Variants in NUMB observed in about 807,000 individuals in gnomAD.
NUMB encodes the protein protein numb homolog.
Under a neutral mutation model 59.7 loss-of-function variants are expected in NUMB, and 29 were observed. The ratio of observed to expected loss-of-function variants is 0.49; its 90% CI spans 0.36 to 0.66. The LOEUF is 0.66. NUMB is among the 30% of genes least tolerant of loss of function. The pLI, the probability that NUMB is intolerant of heterozygous loss-of-function variation, is 0.00. For synonymous variants in NUMB, 288 were observed against 288.2 expected (o/e 1.00, Z 0.01); for missense variants, 723 against 822.0 (o/e 0.88, Z 1.47).
intron 12 of NUMB, among the ~76,000 whole-genome samples, chr14:73,277,894 C>A (rs959986654): frequency 7.2e-5 from 11 of 151,982 alleles, no homozygotes; most frequent in Non-Finnish European, 1.5e-4. Flanking sequence ...CCCGTCTCTA[C>A]TAAAAATACA....
chr14:73,391,361 T>G (rs1776877250), intron 2 of NUMB, among the ~76,000 whole-genome samples: 1 of 151,600 alleles, frequency 6.6e-6, no homozygotes, highest in Non-Finnish European at 1.5e-5. Flanking sequence ...TTGCAAAAAT[T>G]TAAATTTTAA....
chr14:73,407,185 C>T (rs2140127970), intron 2 of NUMB, among the ~76,000 whole-genome samples: 1 of 151,438 alleles, frequency 6.6e-6, no homozygotes, highest in African/African-American at 2.4e-5. Flanking sequence ...AAAAAACAAA[C>T]TCACTCCTGT....
chr14:73,395,899 TG>T (rs1566778367), intron 2 of NUMB, among the ~76,000 whole-genome samples: 1 of 152,234 alleles, frequency 6.6e-6, no homozygotes, highest in East Asian at 1.9e-4. Context: ...AATGGCTAGA[TG>T]GATACAGACA....
At chr14:73,394,601 T>C (rs896119205) in intron 2 of NUMB, among the ~76,000 whole-genome samples, 1 of 152,078 alleles carries the variant, frequency 6.6e-6, no homozygotes, top group Non-Finnish European at 1.5e-5. Flanking sequence ...AATACATTAT[T>C]ATTAACTACA....
At chr14:73,406,768 T>G (rs936053263) in intron 2 of NUMB, among the ~76,000 whole-genome samples, 1 of 152,208 alleles carries the variant, frequency 6.6e-6, no homozygotes, top group Non-Finnish European at 1.5e-5. Context: ...GTTTCCTGAC[T>G]TTTTAATGAT....
intron 2 of NUMB, among the ~76,000 whole-genome samples, chr14:73,378,024 C>CAT (rs1566769247): frequency 1.4e-5 from 2 of 142,128 alleles, no homozygotes; most frequent in African/African-American, 5.4e-5. Context: ...CACACATACA[C>CAT]ACACACACAC....
intron 2 of NUMB, among the ~76,000 whole-genome samples, chr14:73,389,724 C>G (rs1348291654): frequency 1.3e-5 from 2 of 152,134 alleles, no homozygotes; most frequent in African/African-American, 4.8e-5. Flanking sequence ...TAAGGAAGTT[C>G]ACACATGAAG....
At chr14:73,386,273 C>T (rs757919128) in intron 2 of NUMB, among the ~76,000 whole-genome samples, 2 of 152,130 alleles carry the variant, frequency 1.3e-5, no homozygotes, top group African/African-American at 2.4e-5. Flanking sequence ...TTCTGTATTT[C>T]AAAAACCTTC....
At chr14:73,402,163 G>A (rs1301220549) in intron 2 of NUMB, among the ~76,000 whole-genome samples, 5 of 152,078 alleles carry the variant, frequency 3.3e-5, no homozygotes, top group African/African-American at 4.8e-5. Flanking sequence ...ACTGCACCTG[G>A]CTAAAAACTT....
chr14:73,422,555 T>C (rs1897394800), intron 1 of NUMB, among the ~76,000 whole-genome samples: 2 of 152,116 alleles, frequency 1.3e-5, no homozygotes, highest in African/African-American at 2.4e-5. Flanking sequence ...AACTGGCTCA[T>C]GGTTCTGCAG....
At chr14:73,306,251 A>G (rs907735813) in intron 6 of NUMB, among the ~76,000 whole-genome samples, 7 of 152,254 alleles carry the variant, frequency 4.6e-5, no homozygotes, top group African/African-American at 1.7e-4. Context: ...TGAACTACAC[A>G]GTAAAGGAGA....
intron 1 of NUMB, among the ~76,000 whole-genome samples, chr14:73,457,038 A>C (rs1439745088): frequency 7.0e-6 from 1 of 143,388 alleles, no homozygotes; most frequent in Non-Finnish European, 1.6e-5. Flanking sequence ...ACAAATACCA[A>C]CTCACATGAA....
intron 1 of NUMB, among the ~76,000 whole-genome samples, chr14:73,428,095 G>A (rs551964426): frequency 6.6e-6 from 1 of 152,256 alleles, no homozygotes; most frequent in East Asian, 1.9e-4. Flanking sequence ...ACTAGGAAGG[G>A]AGTGGTTTCC....
Position 73,355,620 on chromosome 14 carries a change from T to C in NUMB, c.126+6A>G. On this transcript the variant is annotated splice_donor_region_variant and intron_variant, in intron 4 of 12. Transcript: ENST00000555238. ...CATACAGACTTATAGAAACATCAGC[T>C]CTTACCTTAACCGGGAAGCTACATT... The C allele has an allele frequency of 6.2e-7, 1 of 1,611,874 alleles. No individual in the cohort carries two copies. Among genetic ancestry groups the C allele is most frequent in the Non-Finnish European group, 8.5e-7 (1 of 1,179,306 alleles).
intron 1 of NUMB, among the ~76,000 whole-genome samples, chr14:73,422,921 A>AC (rs1299960676): frequency 6.6e-6 from 1 of 151,928 alleles, no homozygotes; most frequent in Non-Finnish European, 1.5e-5. Context: ...AAAAAAAAAA[A>AC]AAAACTGTTA....
At chr14:73,298,831 G>T (rs1433097053) in intron 6 of NUMB, 1 of 152,144 alleles carries the variant, frequency 6.6e-6, no homozygotes, top group Non-Finnish European at 1.5e-5. Flanking sequence ...TAAATTTGAT[G>T]AGTGCCTATA....
intron 4 of NUMB, among the ~76,000 whole-genome samples, chr14:73,353,243 C>A (rs1206127465): frequency 6.6e-6 from 1 of 150,722 alleles, no homozygotes; most frequent in African/African-American, 2.4e-5. Flanking sequence ...CACTACCATG[C>A]CCAGCTAATT....
intron 4 of NUMB, among the ~76,000 whole-genome samples, chr14:73,328,173 G>A (rs1042351910): frequency 6.6e-6 from 1 of 151,884 alleles, no homozygotes; most frequent in Non-Finnish European, 1.5e-5. Flanking sequence ...TACTCAGGAG[G>A]CTGAGGCACG....
intron 4 of NUMB, among the ~76,000 whole-genome samples, chr14:73,352,459 T>C (rs60376577): frequency 0.031 from 600 of 19,422 alleles, 47 homozygotes; most frequent in African/African-American, 0.1. Context: ...CACACACACA[T>C]ACACACACAC....
Sources: allele counts gnomAD v4.1 joint callset (sites outside exome capture counted in the v4.1 genomes callset), GRCh38; gene constraint gnomAD v4.1.1; transcripts MANE v1.5; gene names NCBI Gene and HGNC (gene_info 2026-07-23, HGNC 2026-07-21).